SNX2: variants seen among roughly 807,000 people sequenced by gnomAD.
SNX2 encodes the protein sorting nexin 2.
A neutral mutation model predicts 69.9 loss-of-function variants in SNX2; 25 were observed. The observed-to-expected ratio is 0.36, with a 90% confidence interval of 0.26 to 0.50. The LOEUF (loss-of-function observed/expected upper bound fraction) is 0.50. Ranked by LOEUF, SNX2 falls within the 20% of genes least tolerant of loss-of-function variation. The probability of loss-of-function intolerance (pLI) is 0.97; values close to 1 mark genes in which losing one functional copy is unlikely to be tolerated. For synonymous variants in SNX2, 229 were observed against 200.4 expected, an observed-to-expected ratio of 1.14 and a Z score of -1.20; for missense variants, 551 against 613.3, an observed-to-expected ratio of 0.90 and a Z score of 1.07.
chr5:122,778,445 G>A (rs1752901146), intron 1 of SNX2, among the ~76,000 whole-genome samples: 1 of 152,138 alleles, frequency 6.6e-6, no homozygotes, highest in Non-Finnish European at 1.5e-5. Flanking sequence ...CAGCAGCAGT[G>A]TATAAGATAA....
At chr5:122,813,159 G>A (rs1245325614) in intron 7 of SNX2, among the ~76,000 whole-genome samples, 9 of 151,402 alleles carry the variant, frequency 5.9e-5, no homozygotes, top group African/African-American at 9.7e-5. Flanking sequence ...TTTTTGTCCC[G>A]TGTCTTTCCT....
chr5:122,808,044 CTA>C (rs1203288184), intron 6 of SNX2, among the ~76,000 whole-genome samples: 3 of 144,164 alleles, frequency 2.1e-5, no homozygotes, highest in East Asian at 5.0e-4. Flanking sequence ...GGTCAGAAAA[CTA>C]TAAACATTTT....
At position 122,832,680 on chromosome 5, in the gene SNX2, T is replaced by C. The variant is rs532867989; in HGVS notation, c.*3032T>C. 1 of 152,208 alleles carries C rather than the reference T, an allele frequency of 6.6e-6. No homozygotes were observed. The highest frequency in any genetic ancestry group is 1.5e-5 in the Non-Finnish European group (1 of 68,024). 9.4% of individuals were successfully genotyped at this position (152,208 alleles called of 1,614,324 possible). A position where few individuals can be genotyped will look rare whatever the true frequency, so the allele number is the denominator to read the frequency against. ...ACATAAGCCTTTTAACATAATCAGCTTTCTTTAAAGGAGGAAGTCAGATGA... is the reference window on the plus strand; with the variant it reads ...ACATAAGCCTTTTAACATAATCAGCCTTCTTTAAAGGAGGAAGTCAGATGA... On this transcript the variant is annotated 3_prime_UTR_variant, in exon 15 of 15. Coordinates refer to ENST00000379516, the MANE Select transcript of SNX2 (RefSeq NM_003100.4).
At chr5:122,827,357 A>G in intron 12 of SNX2, 22 bp from the exon 13 acceptor site, 1 of 1,599,582 alleles carries the variant, frequency 6.3e-7, no homozygotes, top group Non-Finnish European at 8.6e-7. Context: ...ATAAGCATAA[A>G]ATATTTCTTT....
intron 7 of SNX2, chr5:122,815,517 T>C (rs115280345): frequency 0.012 from 1,785 of 155,048 alleles, 28 homozygotes; most frequent in Middle Eastern, 0.026. Context: ...AATATGTTTC[T>C]TAGAACTCTA....
In SNX2 at chr5:122,831,734, C is replaced by T. The variant is rs1179038398; in HGVS notation, c.*2086C>T. 2.0e-5 allele frequency among the ~76,000 whole-genome samples: 3 copies of T among 152,096 alleles called. No homozygotes were observed. Among genetic ancestry groups the T allele is most frequent in the African/African-American group, 7.2e-5 (3 of 41,400 alleles). ...TAGTGTTATATCCACAGGTATATTA[C>T]TTAACAAAGGTATAGTTTACACATA... On this transcript the variant is annotated 3_prime_UTR_variant, in exon 15 of 15. Coordinates refer to ENST00000379516, the MANE Select transcript of SNX2 (RefSeq NM_003100.4).
At chr5:122,791,842 T>C (rs1413252452) in intron 1 of SNX2, among the ~76,000 whole-genome samples, 1 of 152,268 alleles carries the variant, frequency 6.6e-6, no homozygotes, top group Non-Finnish European at 1.5e-5. Context: ...TGCTAGATAC[T>C]GAGTAAAGAG....
In SNX2 at chr5:122,827,405, A is replaced by G. The variant is rs1754175400; in HGVS notation, c.1383A>G (p.Glu461=). Residue 461 remains glutamate (E), a synonymous_variant, in exon 13 of 15, where the codon GAA becomes GAG. Coordinates refer to ENST00000379516, the MANE Select transcript of SNX2 (RefSeq NM_003100.4). Reference sequence around the variant, plus strand: ...GGGAGGCGAAAGTGCAACAAGGGGAAAGAGATTTTGAACAGATATCTAAAA... The same window carrying G: ...GGGAGGCGAAAGTGCAACAAGGGGAGAGAGATTTTGAACAGATATCTAAAA... ...REWEAKVQQG[E]RDFEQISKTI... is the part of the protein sequence containing the mutation. The G allele has an allele frequency of 6.2e-7, 1 of 1,613,528 alleles. No homozygotes were observed. The highest frequency in any genetic ancestry group is 8.5e-7 in the Non-Finnish European group (1 of 1,179,634).
intron 1 of SNX2, among the ~76,000 whole-genome samples, chr5:122,784,859 A>G (rs917781942): frequency 2.0e-5 from 3 of 152,178 alleles, no homozygotes; most frequent in African/African-American, 7.2e-5. Context: ...AGTCATCTGA[A>G]TTGTAGTTTT....
chr5:122,816,021 C>T, intron 8 of SNX2, 50 bp downstream of exon 8: 1 of 980,366 alleles, frequency 1.0e-6, no homozygotes, highest in Non-Finnish European at 1.6e-6. Flanking sequence ...CGTTATTTGT[C>T]ATTGTAATGT....
At chr5:122,821,905 A>G (rs867338230) in intron 11 of SNX2, among the ~76,000 whole-genome samples, 1 of 148,404 alleles carries the variant, frequency 6.7e-6, no homozygotes, top group African/African-American at 2.5e-5. Context: ...CAGAGGGTAT[A>G]TGCATTTTAA....
chr5:122,777,030 AAAGTC>A (rs1752872537), intron 1 of SNX2, among the ~76,000 whole-genome samples: 1 of 152,162 alleles, frequency 6.6e-6, no homozygotes, highest in Non-Finnish European at 1.5e-5. Flanking sequence ...TGAGATTTGT[AAAGTC>A]AGATTTTTTT....
intron 14 of SNX2, chr5:122,827,878 T>C (rs2150018923): frequency 4.8e-6 from 2 of 416,664 alleles, no homozygotes; most frequent in African/African-American, 4.1e-5. Flanking sequence ...TTTCCCAGTT[T>C]TAGGCCATCA....
chr5:122,824,763 A>G (rs937566419), intron 11 of SNX2, among the ~76,000 whole-genome samples: 4 of 152,154 alleles, frequency 2.6e-5, no homozygotes, highest in African/African-American at 7.2e-5. Context: ...ATACTAACCT[A>G]TCCTTTGCAC....
At chr5:122,820,639 G>A (rs1581645580) in intron 11 of SNX2, among the ~76,000 whole-genome samples, 1 of 152,058 alleles carries the variant, frequency 6.6e-6, no homozygotes, top group African/African-American at 2.4e-5. Context: ...CTCAAAAATA[G>A]CTTTCCTCAT....
At chr5:122,806,134 A>G (rs1462453117) in intron 6 of SNX2, among the ~76,000 whole-genome samples, 46 of 121,362 alleles carry the variant, frequency 3.8e-4, no homozygotes, top group African/African-American at 1.2e-3. Flanking sequence ...ATATATACAC[A>G]CGCGCGCGCA....
At chr5:122,829,088 G>A (rs115632878) in intron 14 of SNX2, among the ~76,000 whole-genome samples, 19,000 of 152,058 alleles carry the variant, frequency 0.12, 1,497 homozygotes, top group East Asian at 0.35. Flanking sequence ...TTGCACTCCG[G>A]TCTGGGCAAT....
At chr5:122,793,400 G>A (rs1446076571) in intron 1 of SNX2, among the ~76,000 whole-genome samples, 1 of 152,154 alleles carries the variant, frequency 6.6e-6, no homozygotes, top group East Asian at 1.9e-4. Flanking sequence ...TCTATTTTAT[G>A]AAGAGCAAAA....
At chr5:122,793,965 T>C (rs1389971799) in intron 1 of SNX2, among the ~76,000 whole-genome samples, 1 of 148,272 alleles carries the variant, frequency 6.7e-6, no homozygotes, top group Non-Finnish European at 1.5e-5. Context: ...ACGAAAACCA[T>C]AATAAAGATA....
Sources: allele counts gnomAD v4.1 joint callset (sites outside exome capture counted in the v4.1 genomes callset), GRCh38; gene constraint gnomAD v4.1.1; transcripts MANE v1.5; gene names NCBI Gene and HGNC (gene_info 2026-07-23, HGNC 2026-07-21).